The following SPRY3 variants were observed in gnomAD, a reference collection of about 807,000 sequenced individuals.
SPRY3 encodes the protein protein sprouty homolog 3.
Under a neutral mutation model 20.2 loss-of-function variants are expected in SPRY3, and 15 were observed. The observed-to-expected ratio is 0.74, with a 90% CI of 0.50 to 1.14. The LOEUF (loss-of-function observed/expected upper bound fraction) is 1.14, where lower values mean the gene tolerates loss of function less well. SPRY3 is among the 50% of genes most tolerant of loss of function. The probability of loss-of-function intolerance (pLI) is 0.00; values close to 1 mark genes in which losing one functional copy is unlikely to be tolerated. For missense variants in SPRY3, 364 were observed against 363.9 expected (o/e 1.00, Z 0.00); for synonymous variants, 143 against 136.5 (o/e 1.05, Z -0.33).
chrX:155,739,947 C>T (rs917400795), intron 2 of SPRY3, among the ~76,000 whole-genome samples: 2 of 152,096 alleles, frequency 1.3e-5, no homozygotes, highest in Admixed American at 6.5e-5. Flanking sequence ...AACAAGGGCA[C>T]AGAACTGGGC....
chrX:155,726,494 T>C (rs1207037244), intron 2 of SPRY3, among the ~76,000 whole-genome samples: 3 of 151,978 alleles, frequency 2.0e-5, no homozygotes, highest in African/African-American at 7.3e-5. Context: ...TTTATGAGTC[T>C]GGGTGCTCCT....
At chrX:155,755,188 C>T (rs1056338535) in intron 2 of SPRY3, among the ~76,000 whole-genome samples, 5 of 152,130 alleles carry the variant, frequency 3.3e-5, no homozygotes, top group Admixed American at 1.3e-4. Flanking sequence ...TTAGTCAAAA[C>T]TTGCAGTAAA....
chrX:155,705,593 C>T (rs1253761444), intron 2 of SPRY3, among the ~76,000 whole-genome samples: 1 of 151,062 alleles, frequency 6.6e-6, no homozygotes, highest in African/African-American at 2.4e-5. Flanking sequence ...ATAATCAAGA[C>T]CCAACTATAC....
At chrX:155,714,282 G>C (rs2091006379) in intron 2 of SPRY3, among the ~76,000 whole-genome samples, 2 of 152,126 alleles carry the variant, frequency 1.3e-5, no homozygotes, top group African/African-American at 4.8e-5. Context: ...CAGTGTCTGA[G>C]TGTTGAAGTG....
At chrX:155,776,934 T>A (rs1253542674), downstream of SPRY3, 2 of 167,042 alleles carry the variant, frequency 1.2e-5, no homozygotes, top group African/African-American at 4.8e-5. Flanking sequence ...TATAAATATG[T>A]TATGATGATT....
chrX:155,717,811 G>A (rs2091032892), intron 2 of SPRY3, among the ~76,000 whole-genome samples: 1 of 152,010 alleles, frequency 6.6e-6, no homozygotes, highest in Admixed American at 6.6e-5. Flanking sequence ...ATCATTGATG[G>A]GCATTTGGGT....
chrX:155,678,095 G>A (rs1430643288), intron 2 of SPRY3, among the ~76,000 whole-genome samples: 2 of 111,235 alleles, frequency 1.8e-5, no homozygotes, highest in Non-Finnish European at 3.8e-5. Flanking sequence ...AGCTATTTCT[G>A]GGGGTATCTC....
intron 2 of SPRY3, among the ~76,000 whole-genome samples, chrX:155,741,184 A>G (rs1315117071): frequency 2.6e-5 from 4 of 152,160 alleles, no homozygotes; most frequent in Non-Finnish European, 4.4e-5. Context: ...GAAAAACACA[A>G]CAGGAGAACT....
chrX:155,769,049 C>T (rs1223218628), intron 3 of SPRY3, among the ~76,000 whole-genome samples: 4 of 152,164 alleles, frequency 2.6e-5, no homozygotes, highest in Non-Finnish European at 5.9e-5. Flanking sequence ...CCCAAAAAGT[C>T]GGCTGCATTC....
chrX:155,723,314 G>T (rs1406713120), intron 2 of SPRY3, among the ~76,000 whole-genome samples: 3 of 152,046 alleles, frequency 2.0e-5, no homozygotes. Flanking sequence ...GGGATGGCTG[G>T]GTCAAATGGT....
At chrX:155,620,966 G>A (rs1265730396) in intron 1 of SPRY3, among the ~76,000 whole-genome samples, 1 of 111,923 alleles carries the variant, frequency 8.9e-6, no homozygotes. Flanking sequence ...CTGGTGTGAC[G>A]AGGAAACCTC....
intron 2 of SPRY3, among the ~76,000 whole-genome samples, chrX:155,737,010 GT>G (rs961790636): frequency 1.3e-5 from 2 of 151,970 alleles, no homozygotes; most frequent in Non-Finnish European, 1.5e-5. Context: ...ATGTAATAGT[GT>G]TTTTTTGTTT....
chrX:155,756,836 G>C (rs2091285287), intron 2 of SPRY3, among the ~76,000 whole-genome samples: 1 of 151,936 alleles, frequency 6.6e-6, no homozygotes, highest in Non-Finnish European at 1.5e-5. Context: ...GGAAAATATA[G>C]GTGATGCCTT....
chrX:155,679,747 T>TA (rs2068068301), intron 2 of SPRY3, among the ~76,000 whole-genome samples: 1 of 111,840 alleles, frequency 8.9e-6, no homozygotes, highest in African/African-American at 3.3e-5. Flanking sequence ...TTAGCCTTTA[T>TA]AAATGAAAAA....
At chrX:155,761,099 A>G (rs1460423343) in intron 2 of SPRY3, among the ~76,000 whole-genome samples, 1 of 151,980 alleles carries the variant, frequency 6.6e-6, no homozygotes, top group East Asian at 1.9e-4. Flanking sequence ...TTTCCTCTCA[A>G]CATACTGAGA....
intron 2 of SPRY3, among the ~76,000 whole-genome samples, chrX:155,726,933 T>G (rs2091102327): frequency 6.6e-6 from 1 of 152,220 alleles, no homozygotes; most frequent in Non-Finnish European, 1.5e-5. Flanking sequence ...CTTTACAATT[T>G]GGCATGTTTT....
intron 2 of SPRY3, among the ~76,000 whole-genome samples, chrX:155,767,604 G>A (rs963149990): frequency 6.7e-6 from 1 of 148,688 alleles, no homozygotes; most frequent in Non-Finnish European, 1.5e-5. Flanking sequence ...GGAAAGGGGA[G>A]GGCAAGAGGA....
chrX:155,780,574 A>C (rs1180018052), downstream of SPRY3: 1 of 166,970 alleles, frequency 6.0e-6, no homozygotes, highest in Non-Finnish European at 1.5e-5. Context: ...ATTTATATGA[A>C]GTTTCCAAAA....
chrX:155,646,122 T>C (rs1209519124), intron 1 of SPRY3, among the ~76,000 whole-genome samples: 1 of 112,498 alleles, frequency 8.9e-6, no homozygotes, highest in Non-Finnish European at 1.9e-5. Context: ...CATGTGTTTA[T>C]TTCTGGGCTT....
Sources: allele counts gnomAD v4.1 joint callset (sites outside exome capture counted in the v4.1 genomes callset), GRCh38; gene constraint gnomAD v4.1.1; transcripts MANE v1.5; gene names NCBI Gene and HGNC (gene_info 2026-07-23, HGNC 2026-07-21).